The following RAP1GAP2 variants were observed in gnomAD, a reference collection of about 807,000 sequenced individuals.
The protein encoded by RAP1GAP2 is RAP1 GTPase activating protein 2, also known as rap1 GTPase-activating protein 2.
Under a neutral mutation model 95.0 loss-of-function variants are expected in RAP1GAP2, and 27 were observed. That is an observed-to-expected ratio of 0.28 (90% CI 0.21 to 0.39). The LOEUF (loss-of-function observed/expected upper bound fraction) is 0.39, where lower values mean the gene tolerates loss of function less well. Ranked by LOEUF, RAP1GAP2 falls within the 10% of genes least tolerant of loss-of-function variation. RAP1GAP2 has a pLI of 1.00. For missense variants in RAP1GAP2, 771 were observed against 970.0 expected (o/e 0.79, Z 2.72); for synonymous variants, 373 against 380.9 (o/e 0.98, Z 0.24).
intron 2 of RAP1GAP2, among the ~76,000 whole-genome samples, chr17:2,805,644 A>T (rs2069483651): frequency 6.6e-6 from 1 of 152,030 alleles, no homozygotes; most frequent in African/African-American, 2.4e-5. Context: ...AAGTGTTGGG[A>T]TTACAGGCGT....
chr17:3,012,921 C>T (rs1408272506), intron 17 of RAP1GAP2, among the ~76,000 whole-genome samples: 3 of 152,224 alleles, frequency 2.0e-5, no homozygotes, highest in Non-Finnish European at 2.9e-5. Flanking sequence ...ATGATACTTG[C>T]TGTACCGACG....
chr17:2,801,641 G>C (rs1411071664), intron 2 of RAP1GAP2, among the ~76,000 whole-genome samples: 4 of 125,962 alleles, frequency 3.2e-5, no homozygotes, highest in Non-Finnish European at 6.9e-5. Context: ...GTGTGTGTGT[G>C]TGTGTGTGAT....
chr17:2,796,553 C>G lies in RAP1GAP2; in HGVS notation c.26C>G (p.Ser9Cys). Reference sequence around the variant, plus strand: ...ATGTTTGGCCGGAAGCGCAGTGTCTCCTTTGGGGGCTTCGGATGGTGGGTG... The same window carrying G: ...ATGTTTGGCCGGAAGCGCAGTGTCTGCTTTGGGGGCTTCGGATGGTGGGTG... MFGRKRSV[S>C]FGGFGWIDKT... is the part of the protein sequence containing the mutation. The change falls in exon 1 of 25, where the codon TCC (serine) becomes TGC (cysteine). Residue 9 changes from serine to cysteine, a missense_variant. By Grantham distance (112) the Ser-to-Cys change is moderately radical. Coordinates refer to ENST00000254695, the MANE Select transcript of RAP1GAP2 (RefSeq NM_015085.5). The surrounding 1 kb of genome is among the most constrained non-coding windows in gnomAD (Gnocchi z 4.7). 1 of 1,564,018 alleles carries G rather than the reference C, an allele frequency of 6.4e-7. No homozygotes were observed. Among genetic ancestry groups the G allele is most frequent in the Non-Finnish European group, 8.7e-7 (1 of 1,154,122 alleles).
chr17:2,964,677 C>T (rs1187252077), intron 7 of RAP1GAP2: 1 of 153,544 alleles, frequency 6.5e-6, no homozygotes, highest in East Asian at 1.9e-4. Context: ...GTTCTCACAC[C>T]TCAAGAAGTC....
intron 2 of RAP1GAP2, among the ~76,000 whole-genome samples, chr17:2,897,410 G>A (rs2041869966): frequency 6.6e-6 from 1 of 150,970 alleles, no homozygotes; most frequent in African/African-American, 2.4e-5. Flanking sequence ...GTTCCTCCTG[G>A]AGACTTTTTT....
chr17:2,884,248 TG>T (rs1291079636), intron 2 of RAP1GAP2, among the ~76,000 whole-genome samples: 1 of 152,142 alleles, frequency 6.6e-6, no homozygotes, highest in Non-Finnish European at 1.5e-5. Context: ...ACGCTCGCTG[TG>T]GGGTGCAGTG....
intron 8 of RAP1GAP2, among the ~76,000 whole-genome samples, chr17:2,968,948 C>T (rs1052859853): frequency 3.3e-5 from 5 of 151,972 alleles, no homozygotes; most frequent in South Asian, 2.1e-4. Flanking sequence ...TATTATCCAT[C>T]TTTTCATAAA....
Position 3,005,311 on chromosome 17 carries a change from G to A in RAP1GAP2, c.1201-58G>A, listed in dbSNP as rs778563726. ...TAGCTTTGTAAGGAGCGTGGCTCCC[G>A]TAGGGGCAGCGCTCGTCTCTTCCCT... On this transcript the variant is annotated intron_variant, in intron 14 of 24. Transcript: ENST00000254695. The surrounding 1 kb of genome is among the most constrained non-coding windows in gnomAD (Gnocchi z 5.2). The A allele has an allele frequency of 7.9e-5, 120 of 1,522,612 alleles. No homozygotes were observed. Among genetic ancestry groups the A allele is most frequent in the East Asian group, 1.1e-4 (5 of 44,408 alleles). The allele number at this position is 1,522,612 out of a possible 1,614,324, so 94.3% of individuals were successfully genotyped here.
At chr17:2,894,716 G>C (rs1302720608) in intron 2 of RAP1GAP2, among the ~76,000 whole-genome samples, 1 of 152,168 alleles carries the variant, frequency 6.6e-6, no homozygotes, top group African/African-American at 2.4e-5. Context: ...AGGTTACTTG[G>C]TGTGTTTAGC....
intron 8 of RAP1GAP2, among the ~76,000 whole-genome samples, chr17:2,972,790 A>G (rs1032243561): frequency 1.3e-5 from 2 of 152,176 alleles, no homozygotes; most frequent in South Asian, 4.1e-4. Flanking sequence ...TATTTTACCA[A>G]TGCAGGATGG....
At chr17:2,959,853 C>T (rs1233681426) in intron 4 of RAP1GAP2, among the ~76,000 whole-genome samples, 3 of 152,084 alleles carry the variant, frequency 2.0e-5, no homozygotes, top group Non-Finnish European at 2.9e-5. Context: ...TGGCCAGTTG[C>T]GGTGTCTCAC....
At chr17:2,874,916 A>G (rs1214659189) in intron 2 of RAP1GAP2, among the ~76,000 whole-genome samples, 1 of 152,084 alleles carries the variant, frequency 6.6e-6, no homozygotes, top group Non-Finnish European at 1.5e-5. Context: ...GGCTGTCTCC[A>G]TTTTGCTCAT....
chr17:2,992,247 G>C (rs2151568052), intron 12 of RAP1GAP2, among the ~76,000 whole-genome samples: 1 of 146,704 alleles, frequency 6.8e-6, no homozygotes, highest in South Asian at 2.1e-4. Flanking sequence ...GGCAGCCTTT[G>C]CCTCCTGGGT....
intron 3 of RAP1GAP2, among the ~76,000 whole-genome samples, chr17:2,919,536 T>G (rs2042680337): frequency 6.6e-6 from 1 of 150,898 alleles, no homozygotes; most frequent in Admixed American, 6.6e-5. Flanking sequence ...ATGCTGACCT[T>G]GTGGGGAACA....
rs1468323455 is a variant in RAP1GAP2 at position 3,029,012 on chromosome 17, C to T, written c.2108-1910C>T. On this transcript the variant is annotated intron_variant, in intron 22 of 24. Coordinates refer to ENST00000254695, the MANE Select transcript of RAP1GAP2 (RefSeq NM_015085.5). The surrounding 1 kb of genome is among the most constrained non-coding windows in gnomAD (Gnocchi z 4.4). ...ACACAGTTTCACCATGTTGGCCAGGCTGGTCTCGAACTCCTGACCTCGTGA... is the reference window on the plus strand; with the variant it reads ...ACACAGTTTCACCATGTTGGCCAGGTTGGTCTCGAACTCCTGACCTCGTGA... 6.6e-6 allele frequency among the ~76,000 whole-genome samples: 1 copy of T among 152,110 alleles called. No individual in the cohort carries two copies. The highest frequency in any genetic ancestry group is 1.5e-5 in the Non-Finnish European group (1 of 68,016).
intron 3 of RAP1GAP2, among the ~76,000 whole-genome samples, chr17:2,926,415 G>A (rs953243180): frequency 1.3e-5 from 2 of 152,332 alleles, no homozygotes; most frequent in South Asian, 4.1e-4. Flanking sequence ...GCAGCTCAGA[G>A]CTTCAAGGCA....
intron 2 of RAP1GAP2, among the ~76,000 whole-genome samples, chr17:2,853,379 C>T (rs1013915335): frequency 1.3e-5 from 2 of 151,952 alleles, no homozygotes; most frequent in African/African-American, 2.4e-5. Flanking sequence ...TGTTTTCTCT[C>T]CCTCTGTTTT....
intron 2 of RAP1GAP2, among the ~76,000 whole-genome samples, chr17:2,863,441 A>G (rs1406115680): frequency 6.6e-6 from 1 of 152,120 alleles, no homozygotes; most frequent in Non-Finnish European, 1.5e-5. Flanking sequence ...GCCTCTGGAG[A>G]CATGTCGGCC....
chr17:2,974,995 A>G (rs2045050295), intron 8 of RAP1GAP2, among the ~76,000 whole-genome samples: 1 of 152,336 alleles, frequency 6.6e-6, no homozygotes, highest in South Asian at 2.1e-4. Context: ...TTGGGAAGCC[A>G]AGGTGGATGG....
Sources: allele counts gnomAD v4.1 joint callset (sites outside exome capture counted in the v4.1 genomes callset), GRCh38; gene constraint gnomAD v4.1.1; non-coding constraint Gnocchi (gnomAD v3.1); transcripts MANE v1.5; gene names NCBI Gene and HGNC (gene_info 2026-07-23, HGNC 2026-07-21).